Variants in DOCK8 observed in about 807,000 individuals in gnomAD.
DOCK8 encodes dedicator of cytokinesis protein 8.
A neutral mutation model predicts 245.6 loss-of-function variants in DOCK8; 141 were observed. The observed-to-expected ratio is 0.57, with a 90% CI of 0.50 to 0.66. The LOEUF (loss-of-function observed/expected upper bound fraction) is 0.66. Ranked by LOEUF, DOCK8 falls within the 30% of genes least tolerant of loss-of-function variation. The pLI, the probability that DOCK8 is intolerant of heterozygous loss-of-function variation, is 0.00. For missense variants in DOCK8, 2,965 were observed against 2,603.4 expected (o/e 1.14, Z -3.02); for synonymous variants, 1,168 against 970.2 (o/e 1.20, Z -3.79).
intron 40 of DOCK8, among the ~76,000 whole-genome samples, chr9:440,476 ATTTAT>A (rs1348344609): frequency 1.3e-5 from 2 of 151,994 alleles, no homozygotes; most frequent in African/African-American, 2.4e-5. Flanking sequence ...CTACAATTTT[ATTTAT>A]TTTAATTATT....
At chr9:294,460 G>T (rs1226426279) in intron 4 of DOCK8, among the ~76,000 whole-genome samples, 1 of 152,152 alleles carries the variant, frequency 6.6e-6, no homozygotes. Context: ...TAAAATTTCA[G>T]TTCCTCCAGT....
chr9:455,252 G>T (rs2057598295), intron 46 of DOCK8, among the ~76,000 whole-genome samples: 1 of 152,202 alleles, frequency 6.6e-6, no homozygotes, highest in Admixed American at 6.5e-5. Flanking sequence ...CCAGCACTTT[G>T]GGAGGCTGAG....
Position 259,260 on chromosome 9 carries a change from G to A in DOCK8, c.54-12367G>A, listed in dbSNP as rs190462135. Among the ~76,000 whole-genome samples, 70 of 152,092 alleles carry A rather than the reference G, an allele frequency of 4.6e-4. 1 individual carries two copies. The highest frequency in any genetic ancestry group is 1.6e-3 in the African/African-American group (68 of 41,478). On this transcript the variant is annotated intron_variant, in intron 1 of 47. Coordinates refer to ENST00000432829, the MANE Select transcript of DOCK8 (RefSeq NM_203447.4). ...TGAGGCTGCAGTGAGCTGTGATCTCGCCACTGCACTCAGCCTGGGTGACAG... is the reference window on the plus strand; with the variant it reads ...TGAGGCTGCAGTGAGCTGTGATCTCACCACTGCACTCAGCCTGGGTGACAG...
chr9:280,967 A>G (rs1404051306), intron 2 of DOCK8: 1 of 152,238 alleles, frequency 6.6e-6, no homozygotes, highest in Non-Finnish European at 1.5e-5. Flanking sequence ...TTATTTTTCA[A>G]AAGGGGTTGG....
At position 286,592 on chromosome 9, in the gene DOCK8, G is replaced by A. The variant is rs368156958; in HGVS notation, c.288G>A (p.Thr96=). 3.3e-5 allele frequency: 54 copies of A among 1,613,812 alleles called. No individual in the cohort carries two copies. Among genetic ancestry groups the A allele is most frequent in the Non-Finnish European group, 4.3e-5 (51 of 1,179,916 alleles). The change falls in exon 3 of 48, where the codon ACG becomes ACA. Residue 96 remains threonine, a synonymous_variant. Coordinates refer to ENST00000432829, the MANE Select transcript of DOCK8 (RefSeq NM_203447.4). ...ATGACGACTTGGACGTGGTGTTCAC[G>A]CCAAAGGAATGTAGGACTTTGCAGC... The part of the protein sequence containing the change: ...FTDDDLDVVF[T]PKECRTLQPS...
chr9:261,320 A>AT (rs2129775650), intron 1 of DOCK8, among the ~76,000 whole-genome samples: 1 of 152,282 alleles, frequency 6.6e-6, no homozygotes, highest in African/African-American at 2.4e-5. Context: ...TTTTTATATA[A>AT]TTTTTTAAAA....
intron 4 of DOCK8, among the ~76,000 whole-genome samples, chr9:296,615 C>T (rs553569974): frequency 6.6e-6 from 1 of 152,310 alleles, no homozygotes; most frequent in South Asian, 2.1e-4. Context: ...AAAATTCAAA[C>T]ACATCAGTGC....
At chr9:215,118 C>G (rs913947752) in intron 1 of DOCK8, 89 bp downstream of exon 1, 1 of 1,487,042 alleles carries the variant, frequency 6.7e-7, no homozygotes, top group Non-Finnish European at 8.9e-7. Flanking sequence ...CGAGGCCGGA[C>G]GAGTCCATTC....
At chr9:443,854 TCAAG>T (rs747253912) in intron 43 of DOCK8, among the ~76,000 whole-genome samples, 6 of 151,780 alleles carry the variant, frequency 4.0e-5, no homozygotes, top group Non-Finnish European at 7.4e-5. Context: ...CATGGAAGAG[TCAAG>T]CAAGTTTCAA....
chr9:249,879 C>T (rs1346664533), intron 1 of DOCK8, among the ~76,000 whole-genome samples: 4 of 151,962 alleles, frequency 2.6e-5, no homozygotes, highest in East Asian at 1.9e-4. Flanking sequence ...GCCCCCGCCT[C>T]GGCATCCCAA....
intron 2 of DOCK8, among the ~76,000 whole-genome samples, chr9:277,616 G>A (rs1005222969): frequency 2.8e-5 from 4 of 145,132 alleles, no homozygotes; most frequent in African/African-American, 1.1e-4. Flanking sequence ...GAAGTAAGGA[G>A]GATTTGAGAC....
In DOCK8 at chr9:351,501, T is replaced by C. The variant is rs137890397; in HGVS notation, c.1679+11180T>C. 6.8e-3 allele frequency among the ~76,000 whole-genome samples: 1,030 copies of C among 152,320 alleles called. 9 individuals are homozygous for C. The highest frequency in any genetic ancestry group is 0.024 in the African/African-American group (984 of 41,556). The stretch of plus-strand genomic sequence containing the variant: ...TACAGCTGCCCATTGGCAAATCAGG[T>C]ACTAGTTTTTGTTAATCACATTGCA... On this transcript the variant is annotated intron_variant, in intron 14 of 47. Transcript: ENST00000432829.
chr9:283,098 G>A (rs955333594), intron 2 of DOCK8, among the ~76,000 whole-genome samples: 3 of 152,110 alleles, frequency 2.0e-5, no homozygotes, highest in East Asian at 1.9e-4. Flanking sequence ...TTCTTGAAAG[G>A]CCTGCAAAAG....
intron 1 of DOCK8, among the ~76,000 whole-genome samples, chr9:232,108 G>C (rs552997869): frequency 6.6e-6 from 1 of 152,084 alleles, no homozygotes; most frequent in Non-Finnish European, 1.5e-5. Context: ...AGCATGAAGC[G>C]TTGTTGGATT....
intron 12 of DOCK8, 23 bp downstream of exon 12, chr9:336,741 G>A: frequency 1.2e-6 from 2 of 1,613,782 alleles, no homozygotes; most frequent in Non-Finnish European, 1.7e-6. Flanking sequence ...ATTACAGTGT[G>A]TCTGGATTTT....
intron 4 of DOCK8, 25 bp downstream of exon 4, chr9:289,606 T>A: frequency 1.3e-6 from 2 of 1,575,138 alleles, no homozygotes. Context: ...TTCCACTTTT[T>A]GTATATAAAT....
At chr9:434,223 C>G (rs908874602) in intron 38 of DOCK8, among the ~76,000 whole-genome samples, 2 of 152,100 alleles carry the variant, frequency 1.3e-5, no homozygotes, top group Non-Finnish European at 2.9e-5. Flanking sequence ...TATAATAACA[C>G]TATCTTCTAC....
At chr9:315,613 A>G (rs1406467489) in intron 6 of DOCK8, among the ~76,000 whole-genome samples, 1 of 152,204 alleles carries the variant, frequency 6.6e-6, no homozygotes, top group Non-Finnish European at 1.5e-5. Flanking sequence ...TTATATATGT[A>G]TATGGTCTCT....
intron 28 of DOCK8, 35 bp downstream of exon 28, chr9:407,104 C>A (rs756513325): frequency 6.2e-7 from 1 of 1,613,216 alleles, no homozygotes; most frequent in African/African-American, 1.3e-5. Context: ...AAGATGAAGC[C>A]AAAAAAACAG....
Sources: allele counts gnomAD v4.1 joint callset (sites outside exome capture counted in the v4.1 genomes callset), GRCh38; gene constraint gnomAD v4.1.1; transcripts MANE v1.5; gene names NCBI Gene and HGNC (gene_info 2026-07-23, HGNC 2026-07-21).